GRIP1: variants seen among roughly 807,000 people sequenced by gnomAD.
The protein encoded by GRIP1 is glutamate receptor interacting protein 1.
Under a neutral mutation model 129.9 loss-of-function variants are expected in GRIP1, and 45 were observed. That is an observed-to-expected ratio of 0.35 (90% CI 0.27 to 0.44). The LOEUF (loss-of-function observed/expected upper bound fraction) is 0.44, where lower values mean the gene tolerates loss of function less well. GRIP1 is among the 20% of genes least tolerant of loss of function. GRIP1 has a pLI of 1.00. For missense variants in GRIP1, 1,196 were observed against 1,396.8 expected, an observed-to-expected ratio of 0.86 and a Z score of 2.29; for synonymous variants, 530 against 520.8, an observed-to-expected ratio of 1.02 and a Z score of -0.24.
intron 11 of GRIP1, among the ~76,000 whole-genome samples, chr12:66,449,902 T>C (rs117002262): frequency 6.6e-6 from 1 of 152,198 alleles, no homozygotes; most frequent in Non-Finnish European, 1.5e-5. Context: ...ATATTAATTT[T>C]TTTTTCCATT....
intron 1 of GRIP1, among the ~76,000 whole-genome samples, chr12:66,641,319 C>T (rs561513248): frequency 1.1e-4 from 16 of 151,484 alleles, no homozygotes; most frequent in African/African-American, 3.4e-4. Context: ...AGCCAGTGGG[C>T]GCTTTGACAA....
chr12:66,681,912 T>C (rs1229020768), upstream of GRIP1, among the ~76,000 whole-genome samples: 1 of 152,154 alleles, frequency 6.6e-6, no homozygotes, highest in African/African-American at 2.4e-5. Flanking sequence ...CACGTTTACA[T>C]AGAATTTAAT....
At chr12:66,439,901 A>G (rs1391497735) in intron 13 of GRIP1, among the ~76,000 whole-genome samples, 5 of 149,348 alleles carry the variant, frequency 3.3e-5, no homozygotes, top group African/African-American at 1.3e-4. Context: ...GTCTCCTGAA[A>G]ATAAAAAACA....
Position 66,715,451 on chromosome 12 carries a change from G to GAT in GRIP1, c.-419-85117_-419-85116dup, listed in dbSNP as rs2035848386. Among the ~76,000 whole-genome samples, 3 of 28,038 alleles carry GAT rather than the reference G, an allele frequency of 1.1e-4. No individual in the cohort carries two copies. In the East Asian group the frequency reaches 3.6e-3, roughly 33 times the overall value. The allele number at this position is 28,038 out of a possible 152,430, so 18.4% of individuals were successfully genotyped here. A position where few individuals can be genotyped will look rare whatever the true frequency, so the allele number is the denominator to read the frequency against. On this transcript the variant is annotated intron_variant, in intron 1 of 4. Coordinates refer to the GRIP1 transcript ENST00000538373. ...CTGCCACAGCAATGAATTGTAGCTT[G>GAT]ATGTGTGTGTGTGTGTGTGTGAGAG... is the stretch of plus-strand genomic sequence containing the variant.
At chr12:66,760,043 A>G (rs2037423739) in intron 1 of GRIP1, among the ~76,000 whole-genome samples, 1 of 151,974 alleles carries the variant, frequency 6.6e-6, no homozygotes, top group South Asian at 2.1e-4. Context: ...TTTAGTAGAG[A>G]TGGGGTTTCA....
chr12:66,714,600 A>G (rs2035810752), intron 1 of GRIP1, among the ~76,000 whole-genome samples: 1 of 152,058 alleles, frequency 6.6e-6, no homozygotes, highest in South Asian at 2.1e-4. Flanking sequence ...TGGATATCAA[A>G]ACATAACTAT....
rs554186059 is a variant in GRIP1 at position 66,928,938 on chromosome 12, C to G, written c.58+140112G>C. On this transcript the variant is annotated intron_variant, in intron 1 of 1. Coordinates refer to the GRIP1 transcript ENST00000643019. ...GAAAGATGGTATGTTTACCCAAGTG[C>G]AAGTGTACATCTCCAGACCATTACC... Among the ~76,000 whole-genome samples the G allele has an allele frequency of 1.3e-3, 194 of 152,280 alleles. 2 individuals carry two copies. The highest frequency in any genetic ancestry group is 4.5e-3 in the African/African-American group (187 of 41,534).
chr12:66,889,930 G>GT (rs2040629922), intron 1 of GRIP1, among the ~76,000 whole-genome samples: 1 of 150,186 alleles, frequency 6.7e-6, no homozygotes, highest in Non-Finnish European at 1.5e-5. Flanking sequence ...GTTTTTTTTT[G>GT]TTTTTTGTTT....
chr12:66,537,325 A>T (rs1054067971), intron 4 of GRIP1, among the ~76,000 whole-genome samples: 4 of 152,122 alleles, frequency 2.6e-5, no homozygotes, highest in African/African-American at 9.7e-5. Context: ...TGTCTATTTG[A>T]TACTAAAGTT....
At chr12:66,527,359 A>C (rs1246933071) in intron 5 of GRIP1, among the ~76,000 whole-genome samples, 1 of 152,112 alleles carries the variant, frequency 6.6e-6, no homozygotes, top group Non-Finnish European at 1.5e-5. Flanking sequence ...AAAAATGATG[A>C]GTTCATGTCC....
intron 1 of GRIP1, among the ~76,000 whole-genome samples, chr12:66,628,599 T>C (rs1289077468): frequency 6.6e-6 from 1 of 152,224 alleles, no homozygotes; most frequent in Non-Finnish European, 1.5e-5. Flanking sequence ...TTGTTGTGTA[T>C]TCGCAAAATT....
At chr12:66,965,762 C>A (rs2041989814) in intron 1 of GRIP1, among the ~76,000 whole-genome samples, 1 of 152,090 alleles carries the variant, frequency 6.6e-6, no homozygotes, top group African/African-American at 2.4e-5. Flanking sequence ...GCTGTCATGG[C>A]AACATTCTCC....
chr12:66,398,475 C>T (rs1010925108), intron 16 of GRIP1, among the ~76,000 whole-genome samples: 1 of 151,866 alleles, frequency 6.6e-6, no homozygotes, highest in Non-Finnish European at 1.5e-5. Context: ...TATGCACAAA[C>T]ACCTTTCTCC....
At chr12:66,736,450 T>C (rs1368624991) in intron 1 of GRIP1, among the ~76,000 whole-genome samples, 1 of 149,118 alleles carries the variant, frequency 6.7e-6, no homozygotes, top group African/African-American at 2.5e-5. Flanking sequence ...AATTAACATA[T>C]TTTTGTATAA....
At chr12:66,512,304 AG>A (rs1481937142) in intron 7 of GRIP1, among the ~76,000 whole-genome samples, 1 of 152,168 alleles carries the variant, frequency 6.6e-6, no homozygotes, top group African/African-American at 2.4e-5. Flanking sequence ...AGGTTGGAAC[AG>A]TTTGGAGGGC....
intron 11 of GRIP1, among the ~76,000 whole-genome samples, chr12:66,445,873 C>A (rs1305312081): frequency 6.6e-6 from 1 of 152,116 alleles, no homozygotes; most frequent in African/African-American, 2.4e-5. Flanking sequence ...GTGTCTATAT[C>A]CTATCTAAGA....
chr12:66,736,487 A>C (rs2036607736), intron 1 of GRIP1, among the ~76,000 whole-genome samples: 1 of 151,242 alleles, frequency 6.6e-6, no homozygotes, highest in African/African-American at 2.4e-5. Context: ...TCTTAAAGCT[A>C]GAAAGAAAAT....
At chr12:66,405,033 A>G (rs2057141910) in intron 16 of GRIP1, among the ~76,000 whole-genome samples, 1 of 152,130 alleles carries the variant, frequency 6.6e-6, no homozygotes, top group South Asian at 2.1e-4. Flanking sequence ...GTGCCACACA[A>G]AACAAGAAAC....
chr12:66,652,883 G>A (rs2032901621), intron 1 of GRIP1, among the ~76,000 whole-genome samples: 1 of 152,176 alleles, frequency 6.6e-6, no homozygotes, highest in Non-Finnish European at 1.5e-5. Context: ...GCCAGATGAG[G>A]GTTATGAAAC....
Sources: allele counts gnomAD v4.1 joint callset (sites outside exome capture counted in the v4.1 genomes callset), GRCh38; gene constraint gnomAD v4.1.1; transcripts MANE v1.5; gene names NCBI Gene and HGNC (gene_info 2026-07-23, HGNC 2026-07-21).